The following ARHGAP6 variants were observed in gnomAD, a reference collection of about 807,000 sequenced individuals.
ARHGAP6 encodes the protein rho GTPase-activating protein 6.
Under a neutral mutation model 55.7 loss-of-function variants are expected in ARHGAP6, and 16 were observed. That is an observed-to-expected ratio of 0.29 (90% CI 0.19 to 0.44). The LOEUF (loss-of-function observed/expected upper bound fraction) is 0.44. Ranked by LOEUF, ARHGAP6 falls within the 20% of genes least tolerant of loss-of-function variation. The pLI is 1.00. For missense variants in ARHGAP6, 698 were observed against 808.9 expected, an observed-to-expected ratio of 0.86 and a Z score of 1.66; for synonymous variants, 382 against 360.9, an observed-to-expected ratio of 1.06 and a Z score of -0.66.
chrX:11,469,645 C>A (rs1469766429), intron 1 of ARHGAP6, among the ~76,000 whole-genome samples: 1 of 109,858 alleles, frequency 9.1e-6, no homozygotes, highest in Admixed American at 9.7e-5. Context: ...CTTTGCAACC[C>A]AGGAACTAAG....
At chrX:11,499,818 T>C (rs1463329769) in intron 1 of ARHGAP6, among the ~76,000 whole-genome samples, 3 of 111,647 alleles carry the variant, frequency 2.7e-5, no homozygotes, top group Non-Finnish European at 5.6e-5. Flanking sequence ...GGTCTGCCCC[T>C]GGACAAGGGC....
chrX:11,462,061 G>A (rs2050250632), intron 1 of ARHGAP6, among the ~76,000 whole-genome samples: 1 of 112,159 alleles, frequency 8.9e-6, no homozygotes, highest in East Asian at 2.8e-4. Flanking sequence ...TTTAGAGCGA[G>A]GATATTTTCC....
At chrX:11,489,672 G>A (rs759829201) in intron 1 of ARHGAP6, among the ~76,000 whole-genome samples, 1 of 112,177 alleles carries the variant, frequency 8.9e-6, no homozygotes, top group African/African-American at 3.2e-5. Flanking sequence ...ATGAATAACT[G>A]TATGGTTTTG....
intron 2 of ARHGAP6, among the ~76,000 whole-genome samples, chrX:11,217,643 T>G (rs1163771971): frequency 1.8e-5 from 2 of 111,950 alleles, no homozygotes; most frequent in East Asian, 2.8e-4. Context: ...TTGCAAAAAT[T>G]TTCTCCCATT....
chrX:11,651,795 C>T (rs980636738), intron 1 of ARHGAP6, among the ~76,000 whole-genome samples: 1 of 111,708 alleles, frequency 9.0e-6, no homozygotes, highest in African/African-American at 3.3e-5. Flanking sequence ...ACCTCGCCAG[C>T]ATCTGTTATT....
intron 10 of ARHGAP6, among the ~76,000 whole-genome samples, chrX:11,151,699 T>G (rs745332043): frequency 1.3e-4 from 15 of 112,295 alleles, no homozygotes; most frequent in Non-Finnish European, 2.4e-4. Flanking sequence ...AAATGTTTGC[T>G]CTTTCAAAAC....
intron 1 of ARHGAP6, among the ~76,000 whole-genome samples, chrX:11,573,230 T>TAA (rs2051551147): frequency 9.1e-6 from 1 of 109,679 alleles, no homozygotes; most frequent in Admixed American, 9.6e-5. Context: ...TTGCCATTGC[T>TAA]TTTGGTGTTT....
rs1156720855 is a variant in ARHGAP6 at position 11,545,996 on chromosome X, T to TCA, written c.588+118244_588+118245insTG. Among the ~76,000 whole-genome samples, 9 of 111,225 alleles carry TCA rather than the reference T, an allele frequency of 8.1e-5. No individual in the cohort carries two copies. In the East Asian group the frequency reaches 2.2e-3, roughly 28 times the overall value. On this transcript the variant is annotated intron_variant, in intron 1 of 12. Coordinates refer to ENST00000337414, the MANE Select transcript of ARHGAP6 (RefSeq NM_013427.3). ...TGCCCTGCAATTGACCTTCTGTTTT[T>TCA]ATTCCTTTTTGAAGTCCTGCCTTCA...
intron 1 of ARHGAP6, among the ~76,000 whole-genome samples, chrX:11,360,756 C>A (rs1196920414): frequency 9.0e-6 from 1 of 111,295 alleles, no homozygotes; most frequent in Non-Finnish European, 1.9e-5. Flanking sequence ...ATCTAGAAAA[C>A]CCCATTGTCT....
chrX:11,468,832 C>T (rs1452041774), intron 1 of ARHGAP6, among the ~76,000 whole-genome samples: 1 of 112,456 alleles, frequency 8.9e-6, no homozygotes, highest in Non-Finnish European at 1.9e-5. Flanking sequence ...GTTTGTATCC[C>T]TTTGAAGTGG....
intron 8 of ARHGAP6, among the ~76,000 whole-genome samples, chrX:11,174,518 T>TTTCCTTTCTTTCCTTCCTTCC (rs1812251863): frequency 1.4e-5 from 1 of 69,534 alleles, no homozygotes; most frequent in Non-Finnish European, 2.7e-5. Context: ...TCTTTCTTTC[T>TTTCCTTTCTTTCCTTCCTTCC]TTCCTTCCTT....
At chrX:11,326,452 A>G (rs754539536) in intron 1 of ARHGAP6, among the ~76,000 whole-genome samples, 1 of 111,237 alleles carries the variant, frequency 9.0e-6, no homozygotes, top group Non-Finnish European at 1.9e-5. Context: ...TTCCTATGGA[A>G]AGCGGAATTT....
Position 11,623,696 on chromosome X carries a change from C to CAA in ARHGAP6, c.588+40543_588+40544dup, listed in dbSNP as rs60192011. Among the ~76,000 whole-genome samples, 270 of 57,888 alleles carry CAA rather than the reference C, an allele frequency of 4.7e-3. 1 individual carries two copies. Among genetic ancestry groups the CAA allele is most frequent in the African/African-American group, 0.016 (257 of 15,803 alleles). The allele number at this position is 57,888 out of a possible 115,157, so 50.3% of individuals were successfully genotyped here. On this transcript the variant is annotated intron_variant, in intron 1 of 12. Coordinates refer to ENST00000337414, the MANE Select transcript of ARHGAP6 (RefSeq NM_013427.3). ...TGGGCGACGGAGTGAGACTCGGTCT[C>CAA]AAAAAAAAAAAAAAAAAAAATTGAA...
intron 1 of ARHGAP6, among the ~76,000 whole-genome samples, chrX:11,544,955 TC>T (rs2051197604): frequency 8.9e-6 from 1 of 112,631 alleles, no homozygotes; most frequent in Admixed American, 9.4e-5. Flanking sequence ...CTCTGAAACT[TC>T]CTACAAAAAA....
intron 1 of ARHGAP6, among the ~76,000 whole-genome samples, chrX:11,528,536 A>C (rs752315272): frequency 3.7e-4 from 42 of 112,420 alleles, no homozygotes; most frequent in African/African-American, 1.3e-3. Flanking sequence ...CAAATGCAGG[A>C]AACTATAGCA....
chrX:11,429,750 A>G (rs1035409693), intron 1 of ARHGAP6, among the ~76,000 whole-genome samples: 2 of 111,715 alleles, frequency 1.8e-5, no homozygotes, highest in African/African-American at 6.5e-5. Flanking sequence ...AAAATGACAC[A>G]CTAAAGTTCC....
At chrX:11,438,073 C>A (rs1372409405) in intron 1 of ARHGAP6, among the ~76,000 whole-genome samples, 2 of 112,542 alleles carry the variant, frequency 1.8e-5, no homozygotes, top group African/African-American at 6.5e-5. Flanking sequence ...CGTACTCCTC[C>A]TTACTGATAA....
At chrX:11,389,009 C>T (rs1301315325) in intron 1 of ARHGAP6, among the ~76,000 whole-genome samples, 2 of 111,842 alleles carry the variant, frequency 1.8e-5, no homozygotes, top group Non-Finnish European at 3.8e-5. Flanking sequence ...TTCATCTCTA[C>T]TGATCAGTGA....
At chrX:11,600,762 G>T (rs2051959420) in intron 1 of ARHGAP6, among the ~76,000 whole-genome samples, 1 of 112,075 alleles carries the variant, frequency 8.9e-6, no homozygotes. Flanking sequence ...AGTGTATGGA[G>T]TTTATTTTGC....
Sources: allele counts gnomAD v4.1 joint callset (sites outside exome capture counted in the v4.1 genomes callset), GRCh38; gene constraint gnomAD v4.1.1; transcripts MANE v1.5; gene names NCBI Gene and HGNC (gene_info 2026-07-23, HGNC 2026-07-21).